The following DIP2B variants were observed in gnomAD, a reference collection of about 807,000 sequenced individuals.
The protein encoded by DIP2B is disco-interacting protein 2 homolog B.
Under a neutral mutation model 198.0 loss-of-function variants are expected in DIP2B, and 76 were observed. The observed-to-expected ratio is 0.38, with a 90% CI of 0.32 to 0.46. DIP2B has a LOEUF of 0.46. DIP2B is among the 20% of genes least tolerant of loss of function. The probability of loss-of-function intolerance (pLI) is 0.99; values close to 1 mark genes in which losing one functional copy is unlikely to be tolerated. For synonymous variants in DIP2B, 701 were observed against 739.1 expected (o/e 0.95, Z 0.84); for missense variants, 1,559 against 1,978.4 (o/e 0.79, Z 4.02).
At chr12:50,722,308 G>A (rs997028616) in intron 26 of DIP2B, among the ~76,000 whole-genome samples, 7 of 146,112 alleles carry the variant, frequency 4.8e-5, no homozygotes, top group Admixed American at 2.7e-4. Flanking sequence ...TTTTTGAGAC[G>A]GAGCCTTGCT....
intron 23 of DIP2B, among the ~76,000 whole-genome samples, chr12:50,716,775 C>T (rs1939725365): frequency 1.3e-5 from 2 of 152,040 alleles, no homozygotes; most frequent in Admixed American, 6.5e-5. Flanking sequence ...TTTGTTTTAT[C>T]ATCTTTTTGC....
chr12:50,734,244 A>G (rs1940099141), intron 33 of DIP2B, 48 bp downstream of exon 33: 1 of 1,594,690 alleles, frequency 6.3e-7, no homozygotes, highest in African/African-American at 1.3e-5. Flanking sequence ...CCTAAGCATA[A>G]CAAATTCGGA....
At chr12:50,508,814 T>G (rs1010391249) in intron 1 of DIP2B, among the ~76,000 whole-genome samples, 1 of 152,064 alleles carries the variant, frequency 6.6e-6, no homozygotes, top group Non-Finnish European at 1.5e-5. Flanking sequence ...CAGGTGATTC[T>G]CCTGCCTCAG....
intron 1 of DIP2B, among the ~76,000 whole-genome samples, chr12:50,567,564 G>A (rs1347324214): frequency 7.2e-5 from 11 of 151,870 alleles, no homozygotes. Flanking sequence ...GTCTTGCTCT[G>A]TCACGCAAGC....
chr12:50,611,322 A>G lies in DIP2B; in HGVS notation c.101-14654A>G, dbSNP rs149982756. On this transcript the variant is annotated intron_variant, in intron 1 of 37. Coordinates refer to ENST00000301180, the MANE Select transcript of DIP2B (RefSeq NM_173602.3). ...AGGATATCAGCTCTTGTACTACCGA[A>G]ATGCCCTGGACAGCTTTCTGTTACA... 2.1e-3 allele frequency among the ~76,000 whole-genome samples: 318 copies of G among 152,194 alleles called. 2 individuals are homozygous for G. Among genetic ancestry groups the G allele is most frequent in the African/African-American group, 7.5e-3 (311 of 41,534 alleles).
At chr12:50,638,887 C>A (rs1938205633) in intron 2 of DIP2B, among the ~76,000 whole-genome samples, 1 of 149,156 alleles carries the variant, frequency 6.7e-6, no homozygotes. Context: ...GGAATATTTA[C>A]ATTATATACC....
chr12:50,726,763 G>A (rs989293795), intron 28 of DIP2B, among the ~76,000 whole-genome samples: 10 of 151,708 alleles, frequency 6.6e-5, no homozygotes, highest in African/African-American at 2.4e-4. Flanking sequence ...AGCCTCCCAA[G>A]TAGCTGGGAC....
chr12:50,524,174 A>C (rs943669426), intron 1 of DIP2B, among the ~76,000 whole-genome samples: 4 of 152,174 alleles, frequency 2.6e-5, no homozygotes, highest in Admixed American at 2.6e-4. Flanking sequence ...AATATATTCT[A>C]AATCTACTTC....
chr12:50,662,009 C>G (rs529742750), intron 4 of DIP2B, among the ~76,000 whole-genome samples: 1 of 152,328 alleles, frequency 6.6e-6, no homozygotes, highest in East Asian at 1.9e-4. Flanking sequence ...CAAATCGCAG[C>G]TGTTCATTGC....
At chr12:50,552,911 C>T (rs575985214) in intron 1 of DIP2B, among the ~76,000 whole-genome samples, 1 of 151,880 alleles carries the variant, frequency 6.6e-6, no homozygotes, top group Non-Finnish European at 1.5e-5. Flanking sequence ...TCTTGGCTCA[C>T]TGCAACGTCT....
intron 1 of DIP2B, among the ~76,000 whole-genome samples, chr12:50,591,884 T>C (rs1005410760): frequency 2.6e-5 from 4 of 151,042 alleles, no homozygotes; most frequent in African/African-American, 9.7e-5. Context: ...TTTGTGTGTT[T>C]TTTTTTTTTT....
At chr12:50,572,252 A>G (rs566343332) in intron 1 of DIP2B, among the ~76,000 whole-genome samples, 1 of 152,236 alleles carries the variant, frequency 6.6e-6, no homozygotes, top group African/African-American at 2.4e-5. Flanking sequence ...TCCCCAGACT[A>G]AGACCACAGT....
intron 1 of DIP2B, among the ~76,000 whole-genome samples, chr12:50,553,451 G>A (rs1216252721): frequency 6.6e-6 from 1 of 152,252 alleles, no homozygotes; most frequent in African/African-American, 2.4e-5. Context: ...AAGGCATTAA[G>A]CAATCCTGAA....
chr12:50,532,376 G>A (rs1254194172), intron 1 of DIP2B, among the ~76,000 whole-genome samples: 1 of 152,262 alleles, frequency 6.6e-6, no homozygotes, highest in South Asian at 2.1e-4. Context: ...TTAGCCAGGT[G>A]TGGTGGCATG....
At position 50,636,019 on chromosome 12, in the gene DIP2B, C is replaced by G. The variant is rs373992977; in HGVS notation, c.173-4705C>G. On this transcript the variant is annotated intron_variant, in intron 2 of 37. Transcript: ENST00000301180. ...GATACAAGATGCTTAAGACCAGCCT[C>G]TGACCTCAAGTTATTTACACTATAG... Among the ~76,000 whole-genome samples, 6 of 152,336 alleles carry G rather than the reference C, an allele frequency of 3.9e-5. No homozygotes were observed. The South Asian group carries it at 8.3e-4, about 21-fold the overall frequency.
At chr12:50,714,748 T>C in intron 23 of DIP2B, 152 bp downstream of exon 23, 1 of 877,802 alleles carries the variant, frequency 1.1e-6, no homozygotes, top group Non-Finnish European at 1.7e-6. Context: ...GAAAACAGCC[T>C]GGGCGACATG....
chr12:50,673,298 T>C (rs1449327333), intron 5 of DIP2B, among the ~76,000 whole-genome samples: 2 of 152,214 alleles, frequency 1.3e-5, no homozygotes, highest in Non-Finnish European at 2.9e-5. Flanking sequence ...CTTTTTTCCT[T>C]TTTTAAGTTT....
intron 1 of DIP2B, among the ~76,000 whole-genome samples, chr12:50,529,497 C>T (rs1239738694): frequency 3.3e-5 from 5 of 152,026 alleles, no homozygotes; most frequent in East Asian, 1.9e-4. Flanking sequence ...ATCATTGAAG[C>T]GTGTTTGAGG....
rs1940353387 is a variant in DIP2B at position 50,747,285 on chromosome 12, A to G, written c.*2446A>G. 1 of 152,136 alleles carries G rather than the reference A, an allele frequency of 6.6e-6. No homozygotes were observed. Among genetic ancestry groups the G allele is most frequent in the Non-Finnish European group, 1.5e-5 (1 of 68,034 alleles). 9.4% of individuals were successfully genotyped at this position (152,136 alleles called of 1,614,324 possible). A position where few individuals can be genotyped will look rare whatever the true frequency, so the allele number is the denominator to read the frequency against. The stretch of plus-strand genomic sequence containing the variant: ...CAAATACATTACTCTGTTAATCTCA[A>G]AGTGTGGCCAACTCCCATTTACTTA... On this transcript the variant is annotated 3_prime_UTR_variant, in exon 38 of 38. Coordinates refer to ENST00000301180, the MANE Select transcript of DIP2B (RefSeq NM_173602.3).
Sources: gnomAD v4.1 joint callset for allele counts (sites outside exome capture counted in the v4.1 genomes callset) on GRCh38, gnomAD v4.1.1 for gene constraint, MANE v1.5 for transcripts, NCBI Gene and HGNC (gene_info 2026-07-23, HGNC 2026-07-21) for gene names.